PSMD11: variants seen among roughly 807,000 people sequenced by gnomAD.
PSMD11 encodes 26S proteasome non-ATPase regulatory subunit 11.
In PSMD11, 5 loss-of-function variants were observed where a neutral mutation model predicts 62.3. The ratio of observed to expected loss-of-function variants is 0.08; its 90% CI spans 0.04 to 0.17. The LOEUF (loss-of-function observed/expected upper bound fraction) is 0.17. Ranked by LOEUF, PSMD11 falls within the 10% of genes least tolerant of loss-of-function variation. The pLI, the probability that PSMD11 is intolerant of heterozygous loss-of-function variation, is 1.00. For missense variants in PSMD11, 310 were observed against 512.9 expected (o/e 0.60, Z 3.82); for synonymous variants, 191 against 191.8 (o/e 1.00, Z 0.03).
chr17:32,448,406 G>A (rs970086867), intron 2 of PSMD11, among the ~76,000 whole-genome samples: 3 of 149,836 alleles, frequency 2.0e-5, no homozygotes, highest in African/African-American at 7.4e-5. Context: ...TGCTCTTGTT[G>A]CCCAGGCTGG....
At chr17:32,473,657 C>G in intron 6 of PSMD11, 144 bp from the exon 7 acceptor site, 1 of 717,042 alleles carries the variant, frequency 1.4e-6, no homozygotes, top group Non-Finnish European at 2.3e-6. Context: ...TCACATGATC[C>G]TCCCATCTCA....
Position 32,449,826 on chromosome 17 carries a change from A to C in PSMD11, c.193+2780A>C, listed in dbSNP as rs551842570. Among the ~76,000 whole-genome samples, 5 of 152,314 alleles carry C rather than the reference A, an allele frequency of 3.3e-5. No homozygotes were observed. The South Asian group carries it at 8.3e-4, about 25-fold the overall frequency. ...GAACAGAAAATATGTCTGTTCCATTAATGTTCAGTTTTTTTATGCATTTAA... is the reference window on the plus strand; with the variant it reads ...GAACAGAAAATATGTCTGTTCCATTCATGTTCAGTTTTTTTATGCATTTAA... On this transcript the variant is annotated intron_variant, in intron 2 of 13. Transcript: ENST00000261712.
At chr17:32,447,760 G>A (rs1438410701) in intron 2 of PSMD11, among the ~76,000 whole-genome samples, 1 of 152,030 alleles carries the variant, frequency 6.6e-6, no homozygotes, top group Non-Finnish European at 1.5e-5. Context: ...TGATTAGATT[G>A]GATTAAGATC....
At position 32,474,772 on chromosome 17, in the gene PSMD11, A is replaced by G; in HGVS notation, c.797A>G (p.Asp266Gly). 6.2e-7 allele frequency: 1 copy of G among 1,614,122 alleles called. No homozygotes were observed. Among genetic ancestry groups the G allele is most frequent in the Non-Finnish European group, 8.5e-7 (1 of 1,179,982 alleles). The change falls in exon 8 of 14, where the codon GAT becomes GGT. Residue 266 changes from aspartate to glycine, a missense_variant. By Grantham distance (94) the Asp-to-Gly change is moderately conservative (BLOSUM62 -1). Transcript: ENST00000261712. ...LCKIMLNTPE[D>G]VQALVSGKLA... ...TATGTCTTTTTTTCTAGCCCAGAAG[A>G]TGTCCAGGCTTTGGTGAGCGGGAAG... is the stretch of plus-strand genomic sequence containing the variant.
chr17:32,474,901 A>T, intron 8 of PSMD11, 77 bp downstream of exon 8: 1 of 1,265,192 alleles, frequency 7.9e-7, no homozygotes, highest in Non-Finnish European at 1.2e-6. Context: ...TGATGAGACC[A>T]GCACTCTTCA....
chr17:32,478,371 C>T (rs1338542265), intron 9 of PSMD11, among the ~76,000 whole-genome samples: 4 of 152,216 alleles, frequency 2.6e-5, no homozygotes, highest in South Asian at 4.1e-4. Flanking sequence ...GCATGATTCG[C>T]CTGCTTCCCT....
At chr17:32,467,852 TG>T (rs1214878553) in intron 5 of PSMD11, among the ~76,000 whole-genome samples, 1 of 152,226 alleles carries the variant, frequency 6.6e-6, no homozygotes, top group Non-Finnish European at 1.5e-5. Flanking sequence ...TGTGCAGGTT[TG>T]TTACATAGGT....
intron 5 of PSMD11, 45 bp from the exon 6 acceptor site, chr17:32,468,954 T>C: frequency 2.6e-6 from 4 of 1,563,486 alleles, no homozygotes; most frequent in Non-Finnish European, 3.5e-6. Flanking sequence ...TATTATTAGG[T>C]ATTAAGCTGA....
At chr17:32,448,403 G>A (rs1021638477) in intron 2 of PSMD11, among the ~76,000 whole-genome samples, 1 of 150,106 alleles carries the variant, frequency 6.7e-6, no homozygotes, top group Admixed American at 6.7e-5. Flanking sequence ...TTTTGCTCTT[G>A]TTGCCCAGGC....
At chr17:32,480,320 C>G (rs1186696812) in intron 12 of PSMD11, 123 bp downstream of exon 12, 1 of 1,462,394 alleles carries the variant, frequency 6.8e-7, no homozygotes, top group Non-Finnish European at 9.5e-7. Context: ...CCTGGCCCCT[C>G]TTCCCTGTGA....
rs1320429399 is a variant in PSMD11 at position 32,480,510 on chromosome 17, G to C, written c.1148G>C (p.Gly383Ala). The C allele has an allele frequency of 1.2e-6, 2 of 1,614,132 alleles. No individual in the cohort carries two copies. Among genetic ancestry groups the C allele is most frequent in the South Asian group, 2.2e-5 (2 of 91,076 alleles). ...KFHGILDQGE[G>A]VLIIFDEPPV... ...GCAGGGATTTTGGACCAGGGGGAGG[G>C]TGTCCTGATTATTTTCGATGAACCC... Residue 383 changes from glycine to alanine, a missense_variant, in exon 13 of 14, where the codon GGT (glycine) becomes GCT (alanine). Gly to Ala is a moderately conservative substitution (Grantham distance 60). Around this residue, in one of 6 missense-constraint regions of PSMD11, gnomAD observed 135 missense variants for 195.4 expected, o/e 0.69. Coordinates refer to ENST00000261712, the MANE Select transcript of PSMD11 (RefSeq NM_002815.4).
At chr17:32,445,559 C>G (rs9900089) in intron 1 of PSMD11, 1 of 152,080 alleles carries the variant, frequency 6.6e-6, no homozygotes, top group South Asian at 2.1e-4. Context: ...AAATTTATTA[C>G]GACAGAAGAA....
At chr17:32,454,085 T>C (rs1164986348) in intron 2 of PSMD11, among the ~76,000 whole-genome samples, 1 of 152,140 alleles carries the variant, frequency 6.6e-6, no homozygotes, top group Non-Finnish European at 1.5e-5. Context: ...TAGAAAAAAA[T>C]TACCCCTATG....
intron 3 of PSMD11, among the ~76,000 whole-genome samples, chr17:32,463,121 A>G (rs1256313044): frequency 1.3e-5 from 2 of 152,236 alleles, no homozygotes; most frequent in African/African-American, 4.8e-5. Context: ...TAAAACTTGC[A>G]GTAACCAAAG....
chr17:32,479,741 T>TA (rs1908434959), intron 10 of PSMD11, 110 bp from the exon 11 acceptor site: 3 of 1,313,772 alleles, frequency 2.3e-6, no homozygotes, highest in Admixed American at 1.8e-5. Context: ...AGGAGGGTCT[T>TA]ACATTAGAAT....
chr17:32,444,860 G>T (rs762423124), intron 1 of PSMD11: 7 of 555,000 alleles, frequency 1.3e-5, no homozygotes, highest in Non-Finnish European at 2.2e-5. Context: ...GCTCAGCGTA[G>T]GGTGGGAGAG....
chr17:32,470,144 C>CT (rs1247077520), intron 6 of PSMD11, among the ~76,000 whole-genome samples: 1 of 151,874 alleles, frequency 6.6e-6, no homozygotes, highest in Non-Finnish European at 1.5e-5. Context: ...TCTTGAGTAG[C>CT]TGGGACTACA....
At chr17:32,469,469 A>T (rs1399882995) in intron 6 of PSMD11, among the ~76,000 whole-genome samples, 1 of 152,210 alleles carries the variant, frequency 6.6e-6, no homozygotes, top group Non-Finnish European at 1.5e-5. Context: ...CTTAGCTCTT[A>T]GCCACTTACT....
chr17:32,457,531 C>T (rs560513857), intron 3 of PSMD11, among the ~76,000 whole-genome samples: 32 of 152,260 alleles, frequency 2.1e-4, no homozygotes, highest in East Asian at 5.8e-4. Flanking sequence ...GCACTACGCC[C>T]GGCTAAGGCT....
Sources: allele counts gnomAD v4.1 joint callset (sites outside exome capture counted in the v4.1 genomes callset), GRCh38; gene constraint gnomAD v4.1.1; regional missense constraint gnomAD v4.1.1; transcripts MANE v1.5; gene names NCBI Gene and HGNC (gene_info 2026-07-23, HGNC 2026-07-21).